BCAS4: variants seen among roughly 807,000 people sequenced by gnomAD.
BCAS4 encodes the protein breast carcinoma amplified sequence 4.
Under a neutral mutation model 15.7 loss-of-function variants are expected in BCAS4, and 9 were observed. The observed-to-expected ratio is 0.57, with a 90% CI of 0.34 to 1.00. The LOEUF (loss-of-function observed/expected upper bound fraction) is 1.00, where lower values mean the gene tolerates loss of function less well. Ranked by LOEUF, BCAS4 falls within the 50% of genes least tolerant of loss-of-function variation. BCAS4 has a pLI of 0.02. For synonymous variants in BCAS4, 101 were observed against 99.5 expected (o/e 1.02, Z -0.09); for missense variants, 225 against 239.1 (o/e 0.94, Z 0.39).
chr20:50,840,778 C>T (rs1182755534), intron 3 of BCAS4: 8 of 1,544,764 alleles, frequency 5.2e-6, no homozygotes, highest in South Asian at 4.5e-5. Flanking sequence ...GAGCGAGGCA[C>T]GCGAGAACGA....
chr20:50,864,766 C>T (rs1979273601), intron 4 of BCAS4, among the ~76,000 whole-genome samples: 1 of 152,134 alleles, frequency 6.6e-6, no homozygotes, highest in South Asian at 2.1e-4. Context: ...CGGCACTTTG[C>T]ATCTGCCGCC....
At chr20:50,863,423 A>AT (rs769208524) in intron 4 of BCAS4, among the ~76,000 whole-genome samples, 4 of 150,604 alleles carry the variant, frequency 2.7e-5, no homozygotes, top group East Asian at 2.0e-4. Context: ...ATGCCTGGCT[A>AT]TTTTTTGTAT....
At chr20:50,809,512 A>G (rs1172991116) in intron 1 of BCAS4, among the ~76,000 whole-genome samples, 1 of 152,124 alleles carries the variant, frequency 6.6e-6, no homozygotes, top group Non-Finnish European at 1.5e-5. Flanking sequence ...CCCAGCCTTT[A>G]TAGTATATTT....
At chr20:50,862,219 C>T (rs575658532) in intron 4 of BCAS4, among the ~76,000 whole-genome samples, 17 of 151,910 alleles carry the variant, frequency 1.1e-4, no homozygotes, top group African/African-American at 3.4e-4. Flanking sequence ...CATCTGTTTC[C>T]GCTCTCTGGA....
chr20:50,826,154 G>C (rs2088275840), intron 2 of BCAS4, among the ~76,000 whole-genome samples: 1 of 152,190 alleles, frequency 6.6e-6, no homozygotes, highest in Non-Finnish European at 1.5e-5. Context: ...TCTGCTCTTT[G>C]CTACATCAGG....
chr20:50,861,813 CTTTCTTTCTTTCT>C (rs1468985725), intron 4 of BCAS4, among the ~76,000 whole-genome samples: 4 of 127,986 alleles, frequency 3.1e-5, no homozygotes, highest in Admixed American at 1.5e-4. Context: ...TTTTCTTTTT[CTTTCTTTCTTTCT>C]TTTCTTTCTT....
At chr20:50,833,686 A>G (rs1402688822) in intron 3 of BCAS4, among the ~76,000 whole-genome samples, 1 of 152,162 alleles carries the variant, frequency 6.6e-6, no homozygotes, top group African/African-American at 2.4e-5. Flanking sequence ...TCCCTGTAAA[A>G]TGGGAGTTAC....
chr20:50,796,484 TATA>T (rs1255346937), intron 1 of BCAS4, among the ~76,000 whole-genome samples: 41 of 12,652 alleles, frequency 3.2e-3, no homozygotes, highest in African/African-American at 9.1e-3. Flanking sequence ...TATATATATA[TATA>T]TTTTTTTTTT....
At chr20:50,804,191 A>T (rs1375831357) in intron 1 of BCAS4, among the ~76,000 whole-genome samples, 1 of 152,094 alleles carries the variant, frequency 6.6e-6, no homozygotes, top group Non-Finnish European at 1.5e-5. Context: ...GGCGCCTGCC[A>T]CCATACCTGG....
intron 1 of BCAS4, among the ~76,000 whole-genome samples, chr20:50,804,205 A>G (rs2087962731): frequency 6.6e-6 from 1 of 151,972 alleles, no homozygotes. Context: ...TACCTGGCTA[A>G]TTTTTGTATT....
chr20:50,853,929 C>T (rs1978614161), intron 4 of BCAS4, among the ~76,000 whole-genome samples: 1 of 151,988 alleles, frequency 6.6e-6, no homozygotes, highest in Non-Finnish European at 1.5e-5. Flanking sequence ...GCTAGATGTA[C>T]CCTCCCCGCA....
intron 4 of BCAS4, among the ~76,000 whole-genome samples, chr20:50,865,847 G>A (rs1157714979): frequency 6.6e-6 from 1 of 152,214 alleles, no homozygotes; most frequent in Non-Finnish European, 1.5e-5. Context: ...CGCAGGGGCT[G>A]CCCACAGAGA....
chr20:50,874,554 C>G (rs990103560), intron 4 of BCAS4, among the ~76,000 whole-genome samples: 2 of 152,190 alleles, frequency 1.3e-5, no homozygotes, highest in Non-Finnish European at 2.9e-5. Flanking sequence ...GTGCCATGCC[C>G]CATGAGGGCT....
Position 50,851,821 on chromosome 20 carries a change from C to T in BCAS4, c.399+9921C>T, listed in dbSNP as rs1045068150. ...CAAAGCCCCAGTCACACGGTCCCAC[C>T]CCTGGGAAGCCGCCTGGGTTCCCCC... On this transcript the variant is annotated intron_variant, in intron 4 of 4. Transcript: ENST00000371608. This position sits in a 1 kb window ranked among gnomAD's most constrained non-coding sequence, Gnocchi z 4.3. Among the ~76,000 whole-genome samples, 2 of 152,232 alleles carry T rather than the reference C, an allele frequency of 1.3e-5. No individual in the cohort carries two copies. The highest frequency in any genetic ancestry group is 4.8e-5 in the African/African-American group (2 of 41,466).
At chr20:50,839,361 A>AT (rs1205016662) in intron 3 of BCAS4, among the ~76,000 whole-genome samples, 5 of 151,864 alleles carry the variant, frequency 3.3e-5, no homozygotes, top group Middle Eastern at 3.4e-3. Flanking sequence ...CCTGAACAGT[A>AT]TTTTTTTTTA....
chr20:50,867,487 C>T (rs1289694701), intron 4 of BCAS4, among the ~76,000 whole-genome samples: 1 of 152,166 alleles, frequency 6.6e-6, no homozygotes, highest in Non-Finnish European at 1.5e-5. Flanking sequence ...CCTAGGACTA[C>T]AGGTGCATGC....
intron 4 of BCAS4, among the ~76,000 whole-genome samples, chr20:50,875,511 T>C (rs2122697574): frequency 6.7e-6 from 1 of 148,210 alleles, no homozygotes; most frequent in African/African-American, 2.5e-5. Context: ...ACGCCTGTCA[T>C]CCTAGCACTT....
intron 4 of BCAS4, among the ~76,000 whole-genome samples, chr20:50,844,500 C>T (rs2088519642): frequency 6.6e-6 from 1 of 152,178 alleles, no homozygotes; most frequent in South Asian, 2.1e-4. Flanking sequence ...GACACAGGAC[C>T]TTGGCTGCCC....
At chr20:50,873,248 A>C (rs1435646980) in intron 4 of BCAS4, among the ~76,000 whole-genome samples, 1 of 152,126 alleles carries the variant, frequency 6.6e-6, no homozygotes, top group Non-Finnish European at 1.5e-5. Context: ...TTGAGGGAGG[A>C]GACAGAAACT....
Sources: gnomAD v4.1 joint callset for allele counts (sites outside exome capture counted in the v4.1 genomes callset) on GRCh38, gnomAD v4.1.1 for gene constraint, Gnocchi (gnomAD v3.1) non-coding constraint, MANE v1.5 for transcripts, NCBI Gene and HGNC (gene_info 2026-07-23, HGNC 2026-07-21) for gene names.